The following AGBL4 variants were observed in gnomAD, a reference collection of about 807,000 sequenced individuals.
The protein encoded by AGBL4 is AGBL carboxypeptidase 4.
A neutral mutation model predicts 66.4 loss-of-function variants in AGBL4; 58 were observed. The ratio of observed to expected loss-of-function variants is 0.87; its 90% CI spans 0.71 to 1.09. The LOEUF (loss-of-function observed/expected upper bound fraction) is 1.09, where lower values mean the gene tolerates loss of function less well. Among genes scored for constraint, AGBL4 ranks in the 50% least tolerant of loss-of-function variants. AGBL4 has a pLI of 0.00. For missense variants in AGBL4, 579 were observed against 631.0 expected (o/e 0.92, Z 0.88); for synonymous variants, 234 against 222.9 (o/e 1.05, Z -0.44).
intron 1 of AGBL4, among the ~76,000 whole-genome samples, chr1:49,984,849 G>A (rs1280463851): frequency 6.6e-6 from 1 of 152,172 alleles, no homozygotes; most frequent in Non-Finnish European, 1.5e-5. Flanking sequence ...GTCTGACATG[G>A]AGCAATCACT....
chr1:49,201,622 G>A (rs553879324), intron 4 of AGBL4, among the ~76,000 whole-genome samples: 2 of 152,204 alleles, frequency 1.3e-5, no homozygotes, highest in East Asian at 3.9e-4. Context: ...TATTTAAAAT[G>A]CAATGACATT....
At chr1:49,839,412 A>G (rs925948035) in intron 2 of AGBL4, among the ~76,000 whole-genome samples, 2 of 152,108 alleles carry the variant, frequency 1.3e-5, no homozygotes, top group Non-Finnish European at 2.9e-5. Context: ...TTCCTCCTAA[A>G]TGTCCTATTT....
At chr1:49,967,528 G>A (rs922086447) in intron 1 of AGBL4, among the ~76,000 whole-genome samples, 3 of 152,052 alleles carry the variant, frequency 2.0e-5, no homozygotes, top group African/African-American at 7.2e-5. Context: ...TGGGGGGCTA[G>A]GGGAGGGATA....
intron 3 of AGBL4, among the ~76,000 whole-genome samples, chr1:49,351,198 C>T (rs992643085): frequency 6.6e-6 from 1 of 152,068 alleles, no homozygotes; most frequent in Non-Finnish European, 1.5e-5. Context: ...ATTTTTCCCC[C>T]GAATTTTACA....
intron 4 of AGBL4, among the ~76,000 whole-genome samples, chr1:49,152,609 A>G (rs1357310618): frequency 6.6e-6 from 1 of 152,212 alleles, no homozygotes; most frequent in Non-Finnish European, 1.5e-5. Flanking sequence ...GCCTTAGAAG[A>G]GGTATTTAGC....
rs566924903 is a variant in AGBL4, at chr1:48,904,166, C to G, written c.595-36936G>C. Among the ~76,000 whole-genome samples, 3 of 151,186 alleles carry G rather than the reference C, an allele frequency of 2.0e-5. No homozygotes were observed. In the South Asian group the frequency reaches 6.4e-4, roughly 32 times the overall value. On this transcript the variant is annotated intron_variant, in intron 5 of 13. Transcript: ENST00000371839. ...TAGTGGTGGGCGCCTGTAATCCCAG[C>G]TACTCGGGAGGTTGAGGCAGGAGAA... is the stretch of plus-strand genomic sequence containing the variant.
chr1:49,542,721 A>C (rs1328790212), intron 3 of AGBL4, among the ~76,000 whole-genome samples: 2 of 151,884 alleles, frequency 1.3e-5, no homozygotes, highest in Non-Finnish European at 2.9e-5. Flanking sequence ...AACATGATGA[A>C]ACCCTGTCTC....
intron 3 of AGBL4, among the ~76,000 whole-genome samples, chr1:49,571,420 A>G (rs1223404236): frequency 1.3e-5 from 2 of 152,136 alleles, no homozygotes; most frequent in African/African-American, 2.4e-5. Context: ...TCGTACATCA[A>G]TTTTGTATCC....
At chr1:49,287,435 A>C (rs1246840244) in intron 3 of AGBL4, among the ~76,000 whole-genome samples, 2,454 of 148,892 alleles carry the variant, frequency 0.016, 56 homozygotes, top group African/African-American at 0.058. Context: ...CAACCTACAA[A>C]ATGGGAGAAA....
At chr1:49,977,313 C>A (rs1324455225) in intron 1 of AGBL4, among the ~76,000 whole-genome samples, 1 of 151,970 alleles carries the variant, frequency 6.6e-6, no homozygotes, top group African/African-American at 2.4e-5. Context: ...TGGGCTTCAC[C>A]TCTCGTCTTC....
At chr1:49,496,063 C>T (rs1359962865) in intron 3 of AGBL4, among the ~76,000 whole-genome samples, 2 of 152,030 alleles carry the variant, frequency 1.3e-5, no homozygotes, top group Non-Finnish European at 2.9e-5. Context: ...AGGATAAAGA[C>T]TGCAGGCAAG....
At chr1:48,562,813 T>C (rs1278560897) in intron 11 of AGBL4, among the ~76,000 whole-genome samples, 1 of 152,212 alleles carries the variant, frequency 6.6e-6, no homozygotes, top group Non-Finnish European at 1.5e-5. Context: ...AGAGCCATGC[T>C]CTTGTTGGTT....
At chr1:48,987,299 T>C (rs1660254135) in intron 5 of AGBL4, among the ~76,000 whole-genome samples, 1 of 151,736 alleles carries the variant, frequency 6.6e-6, no homozygotes, top group Admixed American at 6.6e-5. Context: ...CATAAAGACA[T>C]AAATAGATTA....
chr1:49,420,096 T>C (rs1645510717), intron 3 of AGBL4, among the ~76,000 whole-genome samples: 1 of 152,196 alleles, frequency 6.6e-6, no homozygotes, highest in Admixed American at 6.5e-5. Context: ...TCACCTCTAA[T>C]AGCACAAATG....
intron 6 of AGBL4, among the ~76,000 whole-genome samples, chr1:48,841,346 T>C (rs575301383): frequency 9.0e-4 from 137 of 151,818 alleles, no homozygotes; most frequent in Middle Eastern, 6.8e-3. Context: ...TTCTAAGGTG[T>C]CTTTGTAATC....
chr1:48,699,704 GC>G (rs1339175091), intron 6 of AGBL4, among the ~76,000 whole-genome samples: 10 of 152,158 alleles, frequency 6.6e-5, no homozygotes, highest in African/African-American at 2.2e-4. Context: ...AGAGTGAGCA[GC>G]ATTGAACCTC....
intron 3 of AGBL4, among the ~76,000 whole-genome samples, chr1:49,474,633 A>C (rs780935098): frequency 6.6e-6 from 1 of 151,574 alleles, no homozygotes; most frequent in Non-Finnish European, 1.5e-5. Context: ...TGATTTTTCC[A>C]TGTTGATTTT....
intron 3 of AGBL4, among the ~76,000 whole-genome samples, chr1:49,357,158 T>G (rs1644037077): frequency 6.6e-6 from 1 of 152,176 alleles, no homozygotes; most frequent in Non-Finnish European, 1.5e-5. Context: ...CAAAGAAGAC[T>G]GGTTGCCTTT....
chr1:49,910,069 T>C (rs140235724), intron 1 of AGBL4, among the ~76,000 whole-genome samples: 170 of 152,238 alleles, frequency 1.1e-3, no homozygotes, highest in Non-Finnish European at 1.9e-3. Context: ...ATTTAGATAA[T>C]ACTTAAAGGA....
Sources: gnomAD v4.1 joint callset for allele counts (sites outside exome capture counted in the v4.1 genomes callset) on GRCh38, gnomAD v4.1.1 for gene constraint, MANE v1.5 for transcripts, NCBI Gene and HGNC (gene_info 2026-07-23, HGNC 2026-07-21) for gene names.